Variants in SLC4A4 observed in about 807,000 individuals in gnomAD.
SLC4A4 encodes the protein solute carrier family 4 member 4.
In SLC4A4, 27 loss-of-function variants were observed where a neutral mutation model predicts 111.5. The observed-to-expected ratio is 0.24, with a 90% confidence interval of 0.18 to 0.33. The LOEUF (loss-of-function observed/expected upper bound fraction) is 0.33, where lower values mean the gene tolerates loss of function less well. Among genes scored for constraint, SLC4A4 ranks in the 10% least tolerant of loss-of-function variants. The pLI is 1.00. For synonymous variants in SLC4A4, 443 were observed against 463.4 expected, an observed-to-expected ratio of 0.96 and a Z score of 0.57; for missense variants, 909 against 1,315.5, an observed-to-expected ratio of 0.69 and a Z score of 4.78.
intron 12 of SLC4A4, among the ~76,000 whole-genome samples, chr4:71,464,568 C>G (rs1727142825): frequency 6.6e-6 from 1 of 152,120 alleles, no homozygotes; most frequent in African/African-American, 2.4e-5. Context: ...TGCCAGGCTT[C>G]AAACCTAGAT....
chr4:71,152,130 A>C (rs993211673), intron 2 of SLC4A4, among the ~76,000 whole-genome samples: 1 of 152,160 alleles, frequency 6.6e-6, no homozygotes, highest in African/African-American at 2.4e-5. Flanking sequence ...GTATACTTAC[A>C]TTCTTATCAG....
intron 18 of SLC4A4, among the ~76,000 whole-genome samples, chr4:71,542,244 C>A (rs117454841): frequency 6.6e-6 from 1 of 152,140 alleles, no homozygotes; most frequent in East Asian, 1.9e-4. Context: ...TTATCTTTGA[C>A]CTTGTTCTCC....
At position 71,164,296 on chromosome 4, in the gene SLC4A4, G is replaced by A. The variant is rs1289379746; in HGVS notation, c.-2+71504G>A. Among the ~76,000 whole-genome samples, 9 of 151,378 alleles carry A rather than the reference G, an allele frequency of 5.9e-5. 1 individual carries two copies. The highest frequency in any genetic ancestry group is 5.8e-4 in the East Asian group (3 of 5,146). ...CTCAAGAGAGTGAGACAGGAGAATC[G>A]CTTGAACCTGGGAGGTGGAGGTTGT... On this transcript the variant is annotated intron_variant, in intron 2 of 26. Coordinates refer to the SLC4A4 transcript ENST00000649996.
Position 71,231,216 on chromosome 4 carries a change from C to T in SLC4A4, c.-1-5360C>T, listed in dbSNP as rs185141883. Among the ~76,000 whole-genome samples, 8 of 152,316 alleles carry T rather than the reference C, an allele frequency of 5.3e-5. 1 individual carries two copies. Among genetic ancestry groups the T allele is most frequent in the African/African-American group, 1.4e-4 (6 of 41,562 alleles). On this transcript the variant is annotated intron_variant, in intron 1 of 25. Coordinates refer to ENST00000264485, the MANE Select transcript of SLC4A4 (RefSeq NM_001098484.3). ...TTGCATTCTGAAACTTGTGTGCTGG[C>T]GGCCTGCCACGTGCTGACTGGCTGA...
intron 3 of SLC4A4, among the ~76,000 whole-genome samples, chr4:71,286,500 G>T (rs1723931384): frequency 6.6e-6 from 1 of 152,148 alleles, no homozygotes; most frequent in African/African-American, 2.4e-5. Flanking sequence ...CTCTTCTTGG[G>T]CTGTGTTGAA....
chr4:71,514,796 C>G (rs2149181046), intron 16 of SLC4A4, among the ~76,000 whole-genome samples: 1 of 152,238 alleles, frequency 6.6e-6, no homozygotes, highest in African/African-American at 2.4e-5. Context: ...TCATAATAGT[C>G]TCTCACGATC....
At chr4:71,164,704 G>A (rs1035235866) in intron 2 of SLC4A4, among the ~76,000 whole-genome samples, 2 of 152,004 alleles carry the variant, frequency 1.3e-5, no homozygotes, top group African/African-American at 2.4e-5. Flanking sequence ...TTGACAAATG[G>A]GATCTAATTA....
chr4:71,493,400 C>T (rs1177590045), intron 15 of SLC4A4, among the ~76,000 whole-genome samples: 1 of 151,944 alleles, frequency 6.6e-6, no homozygotes, highest in Non-Finnish European at 1.5e-5. Flanking sequence ...TGGTAGATAT[C>T]TTCCTTGAAT....
chr4:71,487,589 C>A (rs947631328), intron 15 of SLC4A4, among the ~76,000 whole-genome samples: 2 of 151,542 alleles, frequency 1.3e-5, no homozygotes, highest in African/African-American at 4.8e-5. Flanking sequence ...TGGAAGGAGG[C>A]TTTTGTATTG....
intron 1 of SLC4A4, among the ~76,000 whole-genome samples, chr4:71,227,922 A>C (rs1047174038): frequency 1.3e-5 from 2 of 152,250 alleles, no homozygotes; most frequent in African/African-American, 4.8e-5. Flanking sequence ...GGTTTCTGAC[A>C]GAGGAAGGAG....
intron 1 of SLC4A4, among the ~76,000 whole-genome samples, chr4:71,219,978 GA>G (rs1306858754): frequency 2.6e-5 from 4 of 152,198 alleles, no homozygotes; most frequent in African/African-American, 9.6e-5. Context: ...TCCTGGTGAA[GA>G]TGCTGTGAAC....
chr4:71,394,286 A>G (rs1378091262), intron 6 of SLC4A4, among the ~76,000 whole-genome samples: 1 of 152,016 alleles, frequency 6.6e-6, no homozygotes, highest in Non-Finnish European at 1.5e-5. Flanking sequence ...AGGATCTACA[A>G]CAAACTCAAA....
At chr4:71,185,118 A>C (rs1560765039), upstream of SLC4A4, among the ~76,000 whole-genome samples, 1 of 152,180 alleles carries the variant, frequency 6.6e-6, no homozygotes, top group Non-Finnish European at 1.5e-5. Flanking sequence ...TACGTGAAGG[A>C]AAGTTTGATA....
intron 7 of SLC4A4, among the ~76,000 whole-genome samples, chr4:71,400,338 G>A (rs1385387894): frequency 6.6e-6 from 1 of 152,124 alleles, no homozygotes; most frequent in Non-Finnish European, 1.5e-5. Flanking sequence ...AACATTTTTT[G>A]TGGGTATTGA....
intron 4 of SLC4A4, 104 bp downstream of exon 4, chr4:71,339,609 C>G: frequency 1.9e-6 from 2 of 1,065,622 alleles, no homozygotes; most frequent in Middle Eastern, 3.0e-4. Flanking sequence ...CTTTGAATGG[C>G]CAATGGGCAT....
intron 1 of SLC4A4, among the ~76,000 whole-genome samples, chr4:71,068,565 TC>T (rs1186680344): frequency 2.0e-5 from 3 of 151,820 alleles, no homozygotes; most frequent in Non-Finnish European, 4.4e-5. Context: ...TTTCTTTTTT[TC>T]TTTTTTTTTT....
intron 1 of SLC4A4, among the ~76,000 whole-genome samples, chr4:71,230,675 C>T (rs549556252): frequency 6.6e-6 from 1 of 152,198 alleles, no homozygotes; most frequent in South Asian, 2.1e-4. Flanking sequence ...AGGGTGCCAT[C>T]CCCGATGCCT....
In SLC4A4 at chr4:71,493,635, C is replaced by A. The variant is rs185399203; in HGVS notation, c.1975-3866C>A. Among the ~76,000 whole-genome samples, 479 of 151,780 alleles carry A rather than the reference C, an allele frequency of 3.2e-3. 1 individual carries two copies. Among genetic ancestry groups the A allele is most frequent in the Admixed American group, 6.1e-3 (93 of 15,150 alleles). On this transcript the variant is annotated intron_variant, in intron 15 of 25. Transcript: ENST00000264485. ...AAACAGTTACTAAGTCCTGGGACGT[C>A]TCTCTCTCTGTCTTTCTCTCTCTCT...
chr4:71,474,383 G>A lies in SLC4A4; in HGVS notation c.1903+1413G>A, dbSNP rs1036270607. On this transcript the variant is annotated intron_variant, in intron 14 of 25. Transcript: ENST00000264485. Reference sequence around the variant, plus strand: ...GAGGAAAAAGCTCTTAATGTTTACCGTAAAACAAACATGGTTATAGACTAG... The same window carrying A: ...GAGGAAAAAGCTCTTAATGTTTACCATAAAACAAACATGGTTATAGACTAG... Among the ~76,000 whole-genome samples the A allele has an allele frequency of 5.9e-5, 9 of 151,972 alleles. No individual in the cohort carries two copies. The South Asian group carries it at 6.2e-4, about 11-fold the overall frequency.
Sources: gnomAD v4.1 joint callset for allele counts (sites outside exome capture counted in the v4.1 genomes callset) on GRCh38, gnomAD v4.1.1 for gene constraint, MANE v1.5 for transcripts, NCBI Gene and HGNC (gene_info 2026-07-23, HGNC 2026-07-21) for gene names.